Variants in ROBO1 observed in about 807,000 individuals in gnomAD.
ROBO1 encodes roundabout guidance receptor 1, also known as roundabout homolog 1.
A neutral mutation model predicts 195.9 loss-of-function variants in ROBO1; 149 were observed. That is an observed-to-expected ratio of 0.76 (90% CI 0.67 to 0.87). ROBO1 has a LOEUF of 0.87. ROBO1 is among the 40% of genes least tolerant of loss of function. ROBO1 has a pLI of 0.00. For missense variants in ROBO1, 1,933 were observed against 2,068.3 expected (o/e 0.93, Z 1.27); for synonymous variants, 816 against 733.2 (o/e 1.11, Z -1.82).
intron 2 of ROBO1, among the ~76,000 whole-genome samples, chr3:79,513,418 A>AG (rs1940806282): frequency 6.6e-6 from 1 of 152,054 alleles, no homozygotes; most frequent in South Asian, 2.1e-4. Flanking sequence ...GAGCAGCAAG[A>AG]GGGGAAAAAA....
At chr3:78,699,362 C>G (rs978210048) in intron 8 of ROBO1, among the ~76,000 whole-genome samples, 2 of 116,340 alleles carry the variant, frequency 1.7e-5, no homozygotes, top group Non-Finnish European at 3.4e-5. Flanking sequence ...CCAGCCTGGT[C>G]AACATGGGGA....
At chr3:79,115,988 C>A (rs2079986330) in intron 3 of ROBO1, among the ~76,000 whole-genome samples, 1 of 152,150 alleles carries the variant, frequency 6.6e-6, no homozygotes. Flanking sequence ...TCAGTTATGG[C>A]ACCATAACTG....
At chr3:79,502,368 G>A (rs1940128499) in intron 2 of ROBO1, among the ~76,000 whole-genome samples, 1 of 152,186 alleles carries the variant, frequency 6.6e-6, no homozygotes, top group South Asian at 2.1e-4. Flanking sequence ...TGTCCCCGCC[G>A]CCCGGGCAGT....
chr3:79,190,168 G>A (rs930399714), intron 2 of ROBO1, among the ~76,000 whole-genome samples: 40 of 151,478 alleles, frequency 2.6e-4, no homozygotes, highest in African/African-American at 9.7e-4. Flanking sequence ...AATTTACCCT[G>A]CTTATATATT....
intron 3 of ROBO1, among the ~76,000 whole-genome samples, chr3:78,972,248 A>G (rs1166224147): frequency 6.6e-6 from 1 of 152,164 alleles, no homozygotes; most frequent in East Asian, 1.9e-4. Context: ...GTATTTTCCA[A>G]GAAGTGTCAA....
intron 3 of ROBO1, among the ~76,000 whole-genome samples, chr3:79,097,426 G>A (rs749627006): frequency 4.0e-5 from 6 of 151,708 alleles, no homozygotes; most frequent in Non-Finnish European, 8.9e-5. Context: ...TTTGTTTCAA[G>A]TAATATAATT....
At chr3:79,079,535 C>G (rs977134944) in intron 3 of ROBO1, among the ~76,000 whole-genome samples, 1 of 151,720 alleles carries the variant, frequency 6.6e-6, no homozygotes, top group African/African-American at 2.4e-5. Context: ...TCTGCTTTGT[C>G]TACAGTAGGG....
chr3:79,505,802 A>G (rs1204849647), intron 2 of ROBO1, among the ~76,000 whole-genome samples: 1 of 152,238 alleles, frequency 6.6e-6, no homozygotes, highest in Non-Finnish European at 1.5e-5. Flanking sequence ...AGGTTTACAG[A>G]GCAGTGAAGT....
At chr3:79,202,106 G>T (rs919617534) in intron 2 of ROBO1, among the ~76,000 whole-genome samples, 1 of 151,752 alleles carries the variant, frequency 6.6e-6, no homozygotes, top group Non-Finnish European at 1.5e-5. Context: ...TCCTAAATTC[G>T]TAGAATGCCA....
intron 2 of ROBO1, among the ~76,000 whole-genome samples, chr3:79,568,856 G>A (rs1391170239): frequency 1.3e-5 from 2 of 151,996 alleles, no homozygotes; most frequent in Admixed American, 1.3e-4. Flanking sequence ...TATACTCTGA[G>A]TTTTAAAAAA....
At chr3:79,023,849 G>A (rs1324147971) in intron 3 of ROBO1, among the ~76,000 whole-genome samples, 2 of 150,984 alleles carry the variant, frequency 1.3e-5, no homozygotes, top group African/African-American at 2.4e-5. Flanking sequence ...GATTACAGGT[G>A]CTGGCCACCA....
intron 2 of ROBO1, among the ~76,000 whole-genome samples, chr3:79,272,225 C>A (rs1051581593): frequency 4.0e-5 from 6 of 151,694 alleles, no homozygotes; most frequent in Non-Finnish European, 8.8e-5. Context: ...AGAAACAATA[C>A]CAGGAATATA....
chr3:79,705,811 A>C (rs181967738), intron 1 of ROBO1, among the ~76,000 whole-genome samples: 1 of 152,276 alleles, frequency 6.6e-6, no homozygotes, highest in East Asian at 1.9e-4. Context: ...ATTCATTAAC[A>C]TGGAATGTCA....
At chr3:78,849,471 T>C (rs757688717) in intron 4 of ROBO1, among the ~76,000 whole-genome samples, 1 of 152,110 alleles carries the variant, frequency 6.6e-6, no homozygotes, top group Non-Finnish European at 1.5e-5. Context: ...GTGAAAGTGA[T>C]TTTACTTATC....
At chr3:78,900,660 G>A (rs1225733939) in intron 4 of ROBO1, among the ~76,000 whole-genome samples, 2 of 151,928 alleles carry the variant, frequency 1.3e-5, no homozygotes, top group Non-Finnish European at 2.9e-5. Context: ...GAGTGTATAT[G>A]CGCTAATGCT....
chr3:78,773,945 T>C (rs1175787427), intron 4 of ROBO1, among the ~76,000 whole-genome samples: 1 of 152,218 alleles, frequency 6.6e-6, no homozygotes, highest in Non-Finnish European at 1.5e-5. Flanking sequence ...TGTCACTGTT[T>C]CCCTCACAGT....
chr3:79,323,104 C>T (rs1475842339), intron 2 of ROBO1, among the ~76,000 whole-genome samples: 13 of 146,534 alleles, frequency 8.9e-5, no homozygotes, highest in Non-Finnish European at 1.8e-4. Flanking sequence ...TTTTTTGAGA[C>T]GAAGTCTCAC....
intron 2 of ROBO1, among the ~76,000 whole-genome samples, chr3:79,127,743 T>C (rs1022061645): frequency 7.2e-5 from 11 of 152,210 alleles, no homozygotes; most frequent in Admixed American, 4.6e-4. Context: ...TGAAATGAGA[T>C]ACCTAAATCA....
At chr3:78,723,524 A>C (rs2108126052) in intron 5 of ROBO1, among the ~76,000 whole-genome samples, 1 of 152,316 alleles carries the variant, frequency 6.6e-6, no homozygotes, top group Admixed American at 6.5e-5. Flanking sequence ...GAAACAAGTA[A>C]ATTTTAGGCT....
Sources: gnomAD v4.1 joint callset for allele counts (sites outside exome capture counted in the v4.1 genomes callset) on GRCh38, gnomAD v4.1.1 for gene constraint, MANE v1.5 for transcripts, NCBI Gene and HGNC (gene_info 2026-07-23, HGNC 2026-07-21) for gene names.